PCDHGA7: variants seen among roughly 807,000 people sequenced by gnomAD.
The protein encoded by PCDHGA7 is protocadherin gamma-A7.
In PCDHGA7, 44 loss-of-function variants were observed where a neutral mutation model predicts 58.3. The observed-to-expected ratio is 0.75, with a 90% CI of 0.59 to 0.97. The LOEUF (loss-of-function observed/expected upper bound fraction) is 0.97, where lower values mean the gene tolerates loss of function less well. Ranked by LOEUF, PCDHGA7 falls within the 50% of genes least tolerant of loss-of-function variation. The pLI is 0.00. For missense variants in PCDHGA7, 1,266 were observed against 1,188.7 expected, an observed-to-expected ratio of 1.06 and a Z score of -0.96; for synonymous variants, 516 against 504.2, an observed-to-expected ratio of 1.02 and a Z score of -0.31.
At chr5:141,430,774 A>G (rs1269572813) in intron 1 of PCDHGA7, 11 of 1,508,872 alleles carry the variant, frequency 7.3e-6, no homozygotes, top group Non-Finnish European at 8.8e-7. Context: ...TTCCTGCGCG[A>G]CTGCACCGGG....
At chr5:141,403,306 A>C in intron 1 of PCDHGA7, 1 of 1,613,908 alleles carries the variant, frequency 6.2e-7, no homozygotes, top group Non-Finnish European at 8.5e-7. Context: ...AACTGTACGG[A>C]ATAGAAATAG....
At chr5:141,393,970 C>T (rs746781669) in intron 1 of PCDHGA7, 5 of 1,613,870 alleles carry the variant, frequency 3.1e-6, no homozygotes, top group Middle Eastern at 3.3e-4. Flanking sequence ...GTCTGTTACA[C>T]ACGTGATAAT....
At chr5:141,499,620 G>A (rs557854340) in intron 2 of PCDHGA7, among the ~76,000 whole-genome samples, 1 of 150,986 alleles carries the variant, frequency 6.6e-6, no homozygotes, top group Non-Finnish European at 1.5e-5. Context: ...TCCTGTCCTT[G>A]GATTCTTTTG....
At chr5:141,401,391 T>C (rs923364219) in intron 1 of PCDHGA7, among the ~76,000 whole-genome samples, 1 of 152,140 alleles carries the variant, frequency 6.6e-6, no homozygotes, top group Non-Finnish European at 1.5e-5. Flanking sequence ...ATACTACATG[T>C]TATGTGTATG....
At chr5:141,430,931 G>C (rs781580216) in intron 1 of PCDHGA7, 2 of 1,607,530 alleles carry the variant, frequency 1.2e-6, no homozygotes, top group Admixed American at 1.7e-5. Flanking sequence ...GGAGCCCCGG[G>C]AGCTCGCGGA....
At chr5:141,400,668 G>A in intron 1 of PCDHGA7, 3 of 970,702 alleles carry the variant, frequency 3.1e-6, no homozygotes, top group Non-Finnish European at 4.6e-6. Context: ...TCTTTAAGAG[G>A]AGCAGTAAAT....
chr5:141,485,362 G>T lies in PCDHGA7; in HGVS notation c.2425-9445G>T. 6.2e-7 allele frequency: 1 copy of T among 1,614,144 alleles called. No individual in the cohort carries two copies. ...ATACGGACAGTCTGTCAGCTCGCAG[G>T]CTGCAGGTCGCTGGAGAGGTGAACC... is the stretch of plus-strand genomic sequence containing the variant. On this transcript the variant is annotated intron_variant, in intron 1 of 3. Coordinates refer to ENST00000518325, the MANE Select transcript of PCDHGA7 (RefSeq NM_018920.4). The surrounding 1 kb of genome is among the most constrained non-coding windows in gnomAD (Gnocchi z 5.7).
In PCDHGA7 at chr5:141,382,880, G is replaced by C. The variant is rs959397097; in HGVS notation, c.-20G>C. The C allele has an allele frequency of 5.2e-6, 8 of 1,526,962 alleles. No homozygotes were observed. The African/African-American group carries it at 5.6e-5, about 11-fold the overall frequency. The allele number at this position is 1,526,962 out of a possible 1,614,324, so 94.6% of individuals were successfully genotyped here. ...AGCACTTCCCGAGATCGGCGCCTAA[G>C]CAAGAGAAGCAGGACGACTATGGCG... On this transcript the variant is annotated 5_prime_UTR_variant, in exon 1 of 4. Transcript: ENST00000518325.
At chr5:141,450,829 ATT>A (rs373424450) in intron 1 of PCDHGA7, among the ~76,000 whole-genome samples, 3 of 135,116 alleles carry the variant, frequency 2.2e-5, no homozygotes, top group African/African-American at 2.7e-5. Flanking sequence ...TATTATTATT[ATT>A]TTTTTTTTTT....
In PCDHGA7 at chr5:141,432,612, C is replaced by T. The variant is rs752901891; in HGVS notation, c.2424+47289C>T. 1.9e-6 allele frequency: 3 copies of T among 1,613,912 alleles called. No individual in the cohort carries two copies. The highest frequency in any genetic ancestry group is 2.5e-6 in the Non-Finnish European group (3 of 1,179,970). On this transcript the variant is annotated intron_variant, in intron 1 of 3. Transcript: ENST00000518325. The surrounding 1 kb of genome is among the most constrained non-coding windows in gnomAD (Gnocchi z 6.0). ...AAGGCCAGCGAGCCGGGACTCTTCT[C>T]GGTGGGTCTGCACACGGGCGAGGTG...
chr5:141,441,295 A>C (rs952946372), intron 1 of PCDHGA7: 3 of 152,240 alleles, frequency 2.0e-5, no homozygotes, highest in Non-Finnish European at 4.4e-5. Flanking sequence ...CACATGTCTG[A>C]TATAAGAAAA....
rs1167934535 is a variant in PCDHGA7, at chr5:141,383,112, G to C, written c.213G>C (p.Arg71Ser). 3.1e-6 allele frequency: 5 copies of C among 1,613,924 alleles called. No individual in the cohort carries two copies. Among genetic ancestry groups the C allele is most frequent in the Non-Finnish European group, 4.2e-6 (5 of 1,179,968 alleles). Residue 71 changes from arginine to serine, a missense_variant, in exon 1 of 4, where the codon AGG becomes AGC. By Grantham distance (110) the Arg-to-Ser change is moderately radical. Coordinates refer to ENST00000518325, the MANE Select transcript of PCDHGA7 (RefSeq NM_018920.4). ...GAGTCCGCATCATCTCCAGAGGTAG[G>C]ACGCAGCTTTTCGCCCTGAACCAGC... Reference protein sequence around the residue: ...ERGVRIISRGRTQLFALNQRS... With the variant: ...ERGVRIISRGSTQLFALNQRS...
At position 141,487,636 on chromosome 5, in the gene PCDHGA7, A is replaced by G. The variant is rs780468230; in HGVS notation, c.2425-7171A>G. 3 of 1,614,192 alleles carry G rather than the reference A, an allele frequency of 1.9e-6. No homozygotes were observed. Among genetic ancestry groups the G allele is most frequent in the Non-Finnish European group, 1.7e-6 (2 of 1,180,030 alleles). Reference sequence around the variant, plus strand: ...TAGAGGTGAGACCTTTGCAGGCTCAACAAATGCTTGAGGGTTATTCTGATC... The same window carrying G: ...TAGAGGTGAGACCTTTGCAGGCTCAGCAAATGCTTGAGGGTTATTCTGATC... On this transcript the variant is annotated intron_variant, in intron 1 of 3. Transcript: ENST00000518325. This position sits in a 1 kb window ranked among gnomAD's most constrained non-coding sequence, Gnocchi z 5.0.
intron 1 of PCDHGA7, chr5:141,419,278 A>G: frequency 6.2e-7 from 1 of 1,614,038 alleles, no homozygotes; most frequent in Non-Finnish European, 8.5e-7. Context: ...CCATAGCGCA[A>G]GTCAGTGCCT....
intron 2 of PCDHGA7, among the ~76,000 whole-genome samples, chr5:141,503,685 G>A (rs1171934407): frequency 2.6e-5 from 4 of 151,882 alleles, no homozygotes; most frequent in African/African-American, 9.7e-5. Context: ...TTGGGAAGGA[G>A]AATTGAGATT....
Position 141,392,858 on chromosome 5 carries a change from G to A in PCDHGA7, c.2424+7535G>A, listed in dbSNP as rs764346882. The A allele has an allele frequency of 1.9e-5, 31 of 1,612,486 alleles. No homozygotes were observed. The East Asian group carries it at 6.2e-4, about 32-fold the overall frequency. ...GCCCCAGACGCGGCGAGCTGATCCT[G>A]CTGTGCGCGCTGCTGGGAACGCTGT... On this transcript the variant is annotated intron_variant, in intron 1 of 3. Transcript: ENST00000518325.
rs35482758 is a variant in PCDHGA7, at chr5:141,473,653, G to A, written c.2425-21154G>A. On this transcript the variant is annotated intron_variant, in intron 1 of 3. Coordinates refer to ENST00000518325, the MANE Select transcript of PCDHGA7 (RefSeq NM_018920.4). ...AGCTTTCCTGGCAAAGGAACAATTT[G>A]TGTGAAGGCCCTGAGACAGGGAAGG... Among the ~76,000 whole-genome samples, 302 of 152,274 alleles carry A rather than the reference G, an allele frequency of 2.0e-3. 1 individual carries two copies. Among genetic ancestry groups the A allele is most frequent in the Middle Eastern group, 0.01 (3 of 294 alleles).
chr5:141,503,130 C>A (rs1406819266), intron 2 of PCDHGA7, among the ~76,000 whole-genome samples: 1 of 151,980 alleles, frequency 6.6e-6, no homozygotes, highest in Non-Finnish European at 1.5e-5. Context: ...CCTCTGGTAG[C>A]CCCTGACACA....
intron 2 of PCDHGA7, among the ~76,000 whole-genome samples, chr5:141,504,359 A>C (rs988295720): frequency 2.6e-5 from 4 of 152,044 alleles, no homozygotes; most frequent in African/African-American, 9.7e-5. Flanking sequence ...TAGGTGCTTC[A>C]GTAGGAAGCA....
Sources: gnomAD v4.1 joint callset for allele counts (sites outside exome capture counted in the v4.1 genomes callset) on GRCh38, gnomAD v4.1.1 for gene constraint, Gnocchi (gnomAD v3.1) non-coding constraint, MANE v1.5 for transcripts, NCBI Gene and HGNC (gene_info 2026-07-23, HGNC 2026-07-21) for gene names.